Variants in TEX9 observed in about 807,000 individuals in gnomAD.
TEX9 encodes testis expressed 9.
TEX9 carries 74 observed loss-of-function variants against 59.6 expected under a neutral mutation model. That is an observed-to-expected ratio of 1.24 (90% CI 1.03 to 1.51). TEX9 has a LOEUF of 1.51. TEX9 is among the 40% of genes most tolerant of loss of function. The pLI, the probability that TEX9 is intolerant of heterozygous loss-of-function variation, is 0.00. For missense variants in TEX9, 522 were observed against 447.8 expected (o/e 1.17, Z -1.49); for synonymous variants, 186 against 152.2 (o/e 1.22, Z -1.64).
chr15:56,371,788 G>T (rs2047202954), intron 2 of TEX9, among the ~76,000 whole-genome samples: 1 of 152,098 alleles, frequency 6.6e-6, no homozygotes. Context: ...TAGATAAGAT[G>T]AATTTGGACT....
chr15:56,427,683 TTAA>T lies in TEX9; in HGVS notation c.1044_1046del (p.Met349del), dbSNP rs752024537. 32 of 1,533,104 alleles carry T rather than the reference TTAA, an allele frequency of 2.1e-5. No homozygotes were observed. In the South Asian group the frequency reaches 4.1e-4, roughly 19 times the overall value. The allele number at this position is 1,533,104 out of a possible 1,614,324, so 95.0% of individuals were successfully genotyped here. On this transcript the variant is annotated inframe_deletion, in exon 11 of 13. Transcript: ENST00000352903. ...GAAGCTAGAAAAACAAAAAGGAGAA[TTAA>T]TGATAGGGTTCAAGAAACAGTTAAA...
At chr15:56,428,319 G>T in intron 11 of TEX9, 48 bp from the exon 12 acceptor site, 2 of 1,367,962 alleles carry the variant, frequency 1.5e-6, no homozygotes, top group South Asian at 1.2e-5. Flanking sequence ...TTGTTTGGTG[G>T]CCTACTCTTA....
At chr15:56,303,253 T>C (rs923777169) in intron 1 of TEX9, among the ~76,000 whole-genome samples, 1 of 152,178 alleles carries the variant, frequency 6.6e-6, no homozygotes, top group African/African-American at 2.4e-5. Flanking sequence ...CTACAGAATA[T>C]ACATTCTTCT....
Position 56,345,091 on chromosome 15 carries a change from G to A in TEX9, c.-106-28350G>A, listed in dbSNP as rs531959731. On this transcript the variant is annotated intron_variant, in intron 1 of 5. Transcript: ENST00000560827. ...CATATATATATGTATATATATATAT[G>A]TATATATAATTTGAATTGTTTGACT... Among the ~76,000 whole-genome samples, 128 of 138,814 alleles carry A rather than the reference G, an allele frequency of 9.2e-4. 3 individuals carry two copies. In the East Asian group the frequency reaches 0.023, roughly 25 times the overall value. The allele number at this position is 138,814 out of a possible 152,430, so 91.1% of individuals were successfully genotyped here. A position where few individuals can be genotyped will look rare whatever the true frequency, so the allele number is the denominator to read the frequency against.
At chr15:56,364,369 T>A (rs2046853070), upstream of TEX9, among the ~76,000 whole-genome samples, 1 of 151,696 alleles carries the variant, frequency 6.6e-6, no homozygotes, top group Admixed American at 6.6e-5. Context: ...GTCAGGCTGG[T>A]CTTGAACTCC....
intron 12 of TEX9, chr15:56,431,328 T>C (rs1336240636): frequency 6.3e-7 from 1 of 1,595,996 alleles, no homozygotes; most frequent in Admixed American, 1.8e-5. Flanking sequence ...TTTTTTTCAC[T>C]ATTACAGGTC....
chr15:56,367,280 C>G (rs1247350841), intron 2 of TEX9, among the ~76,000 whole-genome samples: 3 of 152,180 alleles, frequency 2.0e-5, no homozygotes, highest in African/African-American at 7.2e-5. Context: ...CCTACACTAC[C>G]TGAATCTTCT....
intron 12 of TEX9, among the ~76,000 whole-genome samples, chr15:56,441,149 C>T (rs903561663): frequency 6.6e-6 from 1 of 151,934 alleles, no homozygotes; most frequent in African/African-American, 2.4e-5. Context: ...TTTCTCATTG[C>T]TTATTTAGAA....
At chr15:56,341,839 T>G (rs1056242001) in intron 1 of TEX9, among the ~76,000 whole-genome samples, 3 of 152,146 alleles carry the variant, frequency 2.0e-5, no homozygotes, top group African/African-American at 7.2e-5. Context: ...TTAATGTCAG[T>G]TCTAGGTGCA....
intron 1 of TEX9, among the ~76,000 whole-genome samples, chr15:56,320,448 C>T (rs886208775): frequency 6.6e-6 from 1 of 152,036 alleles, no homozygotes; most frequent in Non-Finnish European, 1.5e-5. Context: ...TTACTATGTC[C>T]TTACATGACC....
intron 1 of TEX9, among the ~76,000 whole-genome samples, chr15:56,254,057 A>G (rs528105865): frequency 1.9e-4 from 29 of 152,312 alleles, no homozygotes; most frequent in Non-Finnish European, 3.7e-4. Flanking sequence ...AATCCTGTGT[A>G]TGAAGAGTAA....
At chr15:56,328,447 G>GC (rs1343929105) in intron 1 of TEX9, among the ~76,000 whole-genome samples, 1 of 152,178 alleles carries the variant, frequency 6.6e-6, no homozygotes, top group Admixed American at 6.5e-5. Context: ...TACCAGCTCA[G>GC]CCACAGTGGG....
At chr15:56,363,449 G>A (rs2046828539), upstream of TEX9, among the ~76,000 whole-genome samples, 2 of 151,960 alleles carry the variant, frequency 1.3e-5, no homozygotes, top group Non-Finnish European at 2.9e-5. Flanking sequence ...GATTACAGGT[G>A]TGAGCCACCG....
intron 1 of TEX9, among the ~76,000 whole-genome samples, chr15:56,267,972 C>G (rs913130411): frequency 6.6e-6 from 1 of 152,088 alleles, no homozygotes; most frequent in African/African-American, 2.4e-5. Flanking sequence ...ATGAAATGTT[C>G]TTCCATTTGT....
chr15:56,384,800 G>T (rs2047890091), intron 4 of TEX9, among the ~76,000 whole-genome samples: 1 of 152,154 alleles, frequency 6.6e-6, no homozygotes, highest in Non-Finnish European at 1.5e-5. Flanking sequence ...CACAACAGGT[G>T]TCTAATGAAC....
chr15:56,405,648 G>A (rs2049043443), intron 9 of TEX9, among the ~76,000 whole-genome samples: 1 of 152,056 alleles, frequency 6.6e-6, no homozygotes, highest in Non-Finnish European at 1.5e-5. Context: ...TGCCAGATAG[G>A]TATAATAATT....
intron 1 of TEX9, among the ~76,000 whole-genome samples, chr15:56,320,716 G>T (rs1415229542): frequency 6.6e-6 from 1 of 152,180 alleles, no homozygotes; most frequent in Non-Finnish European, 1.5e-5. Flanking sequence ...GTAGCCATAT[G>T]ATTTGTCATC....
At chr15:56,352,729 A>T (rs1399629125) in intron 1 of TEX9, among the ~76,000 whole-genome samples, 2 of 152,178 alleles carry the variant, frequency 1.3e-5, no homozygotes, top group African/African-American at 4.8e-5. Context: ...GGAAAGCAGC[A>T]AACATATTTG....
chr15:56,393,560 G>A lies in TEX9; in HGVS notation c.572-605G>A, dbSNP rs1201402318. 1.3e-5 allele frequency: 2 copies of A among 152,110 alleles called. 1 individual carries two copies. Among genetic ancestry groups the A allele is most frequent in the African/African-American group, 4.8e-5 (2 of 41,420 alleles). 9.4% of individuals were successfully genotyped at this position (152,110 alleles called of 1,614,324 possible). A position where few individuals can be genotyped will look rare whatever the true frequency, so the allele number is the denominator to read the frequency against. ...TGAATGACTTATGAGTGAGTTCTAA[G>A]TTCAGTTTTCACTTTATTTACTTTA... On this transcript the variant is annotated intron_variant, in intron 7 of 12. Transcript: ENST00000352903.
Sources: gnomAD v4.1 joint callset for allele counts (sites outside exome capture counted in the v4.1 genomes callset) on GRCh38, gnomAD v4.1.1 for gene constraint, MANE v1.5 for transcripts, NCBI Gene and HGNC (gene_info 2026-07-23, HGNC 2026-07-21) for gene names.